RBMXL3: variants seen among roughly 807,000 people sequenced by gnomAD.
RBMXL3 encodes RNA-binding motif protein, X-linked-like-3.
RBMXL3 carries 2 observed loss-of-function variants against 0.8 expected under a neutral mutation model. The ratio of observed to expected loss-of-function variants is 2.54; its 90% confidence interval spans 1.04 to 8.00. The LOEUF (loss-of-function observed/expected upper bound fraction) is 8.00. RBMXL3 is among the 30% of genes most tolerant of loss of function. The probability of loss-of-function intolerance (pLI) is 0.04; values close to 1 mark genes in which losing one functional copy is unlikely to be tolerated. For synonymous variants in RBMXL3, 447 were observed against 449.8 expected, an observed-to-expected ratio of 0.99 and a Z score of 0.08; for missense variants, 1,127 against 1,068.0, an observed-to-expected ratio of 1.06 and a Z score of -0.77.
Position 115,190,282 on chromosome X carries a change from C to G in RBMXL3, c.841C>G (p.Gln281Glu). The change falls in exon 1 of 1, where the codon CAA becomes GAA. Residue 281 changes from glutamine to glutamate, a missense_variant. By Grantham distance (29) the Gln-to-Glu change is conservative. Coordinates refer to ENST00000424776, the MANE Select transcript of RBMXL3 (RefSeq NM_001145346.2). ...CCGTCCCTTGAGAGGCGACGGCAACCAAAATGGCTACAGGGGTCGCGACCA... is the reference window on the plus strand; with the variant it reads ...CCGTCCCTTGAGAGGCGACGGCAACGAAAATGGCTACAGGGGTCGCGACCA... The part of the protein sequence containing the change: ...DYRPLRGDGN[Q>E]NGYRGRDHEY... 1 of 1,152,308 alleles carries G rather than the reference C, an allele frequency of 8.7e-7. No homozygotes were observed. Among genetic ancestry groups the G allele is most frequent in the South Asian group, 2.0e-5 (1 of 50,839 alleles). 95.0% of individuals were successfully genotyped at this position (1,152,308 alleles called of 1,213,427 possible).
In RBMXL3 at chrX:115,192,632, G is replaced by T; in HGVS notation, c.3191G>T (p.Arg1064Leu). 1 of 1,169,286 alleles carries T rather than the reference G, an allele frequency of 8.6e-7. No individual in the cohort carries two copies. The highest frequency in any genetic ancestry group is 3.2e-5 in the East Asian group (1 of 31,074). Residue 1064 changes from arginine (R) to leucine (L), a missense_variant, in exon 1 of 1, where the codon CGG becomes CTG. Arg to Leu is a moderately radical substitution (Grantham distance 102, BLOSUM62 -2). Transcript: ENST00000424776. ...GGCCGCTTCGAGAGGGGGGAAGGCC[G>T]GAGCAGATACTAAGCAGGAACAGAC... ...QGGRFERGEG[R>L]SRY
rs1556556734 is a variant in RBMXL3, at chrX:115,189,992, C to T, written c.551C>T (p.Thr184Ile). 4.3e-6 allele frequency: 5 copies of T among 1,163,718 alleles called. No individual in the cohort carries two copies. Among genetic ancestry groups the T allele is most frequent in the Non-Finnish European group, 5.7e-6 (5 of 872,289 alleles). Residue 184 changes from threonine to isoleucine, a missense_variant, in exon 1 of 1, where the codon ACT becomes ATT. Transcript: ENST00000424776. ...TGTGGAATGCGCGGGAAGGCACCGA[C>T]TGTGTCGGGGCAAGATGGCTACTCA... is the stretch of plus-strand genomic sequence containing the variant. ...VGCGMRGKAP[T>I]VSGQDGYSGL...
Position 115,189,599 on chromosome X carries a change from T to C in RBMXL3, c.158T>C (p.Phe53Ser). ...ACCAACAAGTCGAGGGGCTTCGCGT[T>C]CGTCACCTTCGAAAGCCCTGCAGAC... ...RKTNKSRGFA[F>S]VTFESPADAK... Residue 53 changes from phenylalanine (F) to serine (S), a missense_variant, in exon 1 of 1, where the codon TTC (phenylalanine) becomes TCC (serine). Transcript: ENST00000424776. The C allele has an allele frequency of 1.7e-6, 2 of 1,169,736 alleles. No homozygotes were observed. The highest frequency in any genetic ancestry group is 3.2e-5 in the East Asian group (1 of 30,870).
Position 115,191,961 on chromosome X carries a change from G to A in RBMXL3, c.2520G>A (p.Gly840=). Residue 840 remains glycine, a synonymous_variant, in exon 1 of 1, where the codon GGG becomes GGA. Coordinates refer to ENST00000424776, the MANE Select transcript of RBMXL3 (RefSeq NM_001145346.2). ...GCCACTCACCCAACGCCTACAGTGG[G>A]GGCCGTGACAGTTCCAGCAACAGTT... ...SGGHSPNAYS[G]GRDSSSNSYD... 8.6e-7 allele frequency: 1 copy of A among 1,166,009 alleles called. No homozygotes were observed. Among genetic ancestry groups the A allele is most frequent in the Middle Eastern group, 2.3e-4 (1 of 4,299 alleles).
rs1384361758 is a variant in RBMXL3, at chrX:115,191,728, G to T, written c.2287G>T (p.Gly763Cys). 1 of 1,161,874 alleles carries T rather than the reference G, an allele frequency of 8.6e-7. No individual in the cohort carries two copies. The highest frequency in any genetic ancestry group is 1.8e-5 in the African/African-American group (1 of 54,310). The stretch of plus-strand genomic sequence containing the variant: ...CCGCTTGCCTGACGCCTACAGTGGG[G>T]GCCATGACAGTTCCAGCCGGAGCCA... Reference protein sequence around the residue: ...SGRLPDAYSGGHDSSSRSHRY... With the variant: ...SGRLPDAYSGCHDSSSRSHRY... The change falls in exon 1 of 1, where the codon GGC becomes TGC. Residue 763 changes from glycine (G) to cysteine (C), a missense_variant. Transcript: ENST00000424776.
In RBMXL3 at chrX:115,190,154, G is replaced by A. The variant is rs1333479504; in HGVS notation, c.713G>A (p.Arg238Gln). The stretch of plus-strand genomic sequence containing the variant: ...GGGCAAGATGGCTACTCAGGCCCGC[G>A]GGTCCGGGAGCCACTGCCCCCGTGC... ...VWGQDGYSGP[R>Q]VREPLPPCRD... The change falls in exon 1 of 1, where the codon CGG (arginine) becomes CAG (glutamine). Residue 238 changes from arginine to glutamine, a missense_variant. Physicochemically the swap from Arg to Gln is conservative, Grantham distance 43. Coordinates refer to ENST00000424776, the MANE Select transcript of RBMXL3 (RefSeq NM_001145346.2). The A allele has an allele frequency of 8.6e-6, 10 of 1,164,291 alleles. No homozygotes were observed. Among genetic ancestry groups the A allele is most frequent in the Admixed American group, 5.2e-5 (2 of 38,731 alleles).
In RBMXL3 at chrX:115,190,648, G is replaced by A. The variant is rs1332462512; in HGVS notation, c.1207G>A (p.Gly403Ser). 4 of 1,144,361 alleles carry A rather than the reference G, an allele frequency of 3.5e-6. No individual in the cohort carries two copies. The highest frequency in any genetic ancestry group is 4.7e-6 in the Non-Finnish European group (4 of 857,269). 94.3% of individuals were successfully genotyped at this position (1,144,361 alleles called of 1,213,427 possible). The change falls in exon 1 of 1, where the codon GGC (glycine) becomes AGC (serine). Residue 403 changes from glycine (G) to serine (S), a missense_variant. Gly to Ser is a moderately conservative substitution (Grantham distance 56). Coordinates refer to ENST00000424776, the MANE Select transcript of RBMXL3 (RefSeq NM_001145346.2). ...RGRSPDAHSG[G>S]RNSSSNSYGQ... is the part of the protein sequence containing the mutation. The stretch of plus-strand genomic sequence containing the variant: ...CCGCTCGCCCGACGCCCACAGCGGG[G>A]GCCGCAACAGTTCCAGCAACAGTTA...
At position 115,190,547 on chromosome X, in the gene RBMXL3, G is replaced by A; in HGVS notation, c.1106G>A (p.Gly369Asp). Residue 369 changes from glycine (G) to aspartate (D), a missense_variant, in exon 1 of 1, where the codon GGC (glycine) becomes GAC (aspartate). Transcript: ENST00000424776. ...CACTCGCCCAAAGCCTATAGTGGGGGCCGCAGCAGTTCCAGTAACGGTTAC... is the reference window on the plus strand; with the variant it reads ...CACTCGCCCAAAGCCTATAGTGGGGACCGCAGCAGTTCCAGTAACGGTTAC... ...RDHSPKAYSG[G>D]RSSSSNGYSR... 2.6e-6 allele frequency: 3 copies of A among 1,167,620 alleles called. No individual in the cohort carries two copies. Among genetic ancestry groups the A allele is most frequent in the South Asian group, 3.8e-5 (2 of 52,788 alleles).
chrX:115,190,297 G>C lies in RBMXL3; in HGVS notation c.856G>C (p.Gly286Arg). The C allele has an allele frequency of 8.7e-7, 1 of 1,151,207 alleles. No individual in the cohort carries two copies. The highest frequency in any genetic ancestry group is 1.8e-5 in the African/African-American group (1 of 56,083). The allele number at this position is 1,151,207 out of a possible 1,213,427, so 94.9% of individuals were successfully genotyped here. A position where few individuals can be genotyped will look rare whatever the true frequency, so the allele number is the denominator to read the frequency against. Residue 286 changes from glycine to arginine, a missense_variant, in exon 1 of 1, where the codon GGT (glycine) becomes CGT (arginine). By Grantham distance (125) the Gly-to-Arg change is moderately radical. Transcript: ENST00000424776. ...CGACGGCAACCAAAATGGCTACAGG[G>C]GTCGCGACCATGAGTACACAGATCA... Reference protein sequence around the residue: ...RGDGNQNGYRGRDHEYTDHPS... With the variant: ...RGDGNQNGYRRRDHEYTDHPS...
chrX:115,190,164 G>A lies in RBMXL3; in HGVS notation c.723G>A (p.Glu241=). ...GCTACTCAGGCCCGCGGGTCCGGGA[G>A]CCACTGCCCCCGTGCCGCGACCCTG... ...QDGYSGPRVR[E]PLPPCRDPGD... is the part of the protein sequence containing the mutation. The change falls in exon 1 of 1, where the codon GAG becomes GAA. Residue 241 remains glutamate, a synonymous_variant. Coordinates refer to ENST00000424776, the MANE Select transcript of RBMXL3 (RefSeq NM_001145346.2). The A allele has an allele frequency of 8.6e-7, 1 of 1,165,554 alleles. No homozygotes were observed. The highest frequency in any genetic ancestry group is 1.9e-5 in the South Asian group (1 of 52,682).
chrX:115,189,989 C>G lies in RBMXL3; in HGVS notation c.548C>G (p.Pro183Arg). 1 of 1,163,505 alleles carries G rather than the reference C, an allele frequency of 8.6e-7. No homozygotes were observed. Among genetic ancestry groups the G allele is most frequent in the Non-Finnish European group, 1.1e-6 (1 of 872,211 alleles). Residue 183 changes from proline (P) to arginine (R), a missense_variant, in exon 1 of 1, where the codon CCG (proline) becomes CGG (arginine). Transcript: ENST00000424776. ...GGCTGTGGAATGCGCGGGAAGGCAC[C>G]GACTGTGTCGGGGCAAGATGGCTAC... is the stretch of plus-strand genomic sequence containing the variant. Reference protein sequence around the residue: ...SVGCGMRGKAPTVSGQDGYSG... With the variant: ...SVGCGMRGKARTVSGQDGYSG...
chrX:115,192,364 G>A lies in RBMXL3; in HGVS notation c.2923G>A (p.Asp975Asn), dbSNP rs1603082612. 1.9e-6 allele frequency: 2 copies of A among 1,072,075 alleles called. No homozygotes were observed. Among genetic ancestry groups the A allele is most frequent in the Non-Finnish European group, 2.5e-6 (2 of 804,985 alleles). 88.4% of individuals were successfully genotyped at this position (1,072,075 alleles called of 1,213,427 possible). The change falls in exon 1 of 1, where the codon GAC becomes AAC. Residue 975 changes from aspartate to asparagine, a missense_variant. Asp to Asn is a conservative substitution (Grantham distance 23). Coordinates refer to ENST00000424776, the MANE Select transcript of RBMXL3 (RefSeq NM_001145346.2). ...DSSIKSYGLS[D>N]RYGGGGHYEE... is the part of the protein sequence containing the mutation. ...TTCCATCAAGAGTTACGGCCTGAGC[G>A]ACCGCTACGGAGGAGGAGGCCACTA...
At position 115,191,078 on chromosome X, in the gene RBMXL3, G is replaced by T. The variant is rs1180185553; in HGVS notation, c.1637G>T (p.Arg546Leu). ...AGCAACAGTTACGGCCAGAGCCACC[G>T]CTATGGAGGAGAAGGCCGCTATGAG... ...SSSNSYGQSH[R>L]YGGEGRYEYR... is the part of the protein sequence containing the mutation. The change falls in exon 1 of 1, where the codon CGC becomes CTC. Residue 546 changes from arginine (R) to leucine (L), a missense_variant. Transcript: ENST00000424776. The T allele has an allele frequency of 6.9e-6, 8 of 1,161,368 alleles. No homozygotes were observed. Among genetic ancestry groups the T allele is most frequent in the African/African-American group, 3.7e-5 (2 of 54,207 alleles).
In RBMXL3 at chrX:115,191,992, C is replaced by G; in HGVS notation, c.2551C>G (p.Arg851Gly). The G allele has an allele frequency of 8.6e-7, 1 of 1,167,341 alleles. No homozygotes were observed. ...TGACAGTTCCAGCAACAGTTACGAC[C>G]GGAGCCACCGCTATGGAGGAGGAGG... ...GRDSSSNSYD[R>G]SHRYGGGGHY... The change falls in exon 1 of 1, where the codon CGG (arginine) becomes GGG (glycine). Residue 851 changes from arginine (R) to glycine (G), a missense_variant. Physicochemically the swap from Arg to Gly is moderately radical, Grantham distance 125. Coordinates refer to ENST00000424776, the MANE Select transcript of RBMXL3 (RefSeq NM_001145346.2).
rs1400952006 is a variant in RBMXL3, at chrX:115,192,625, G to T, written c.3184G>T (p.Glu1062Ter). Reference protein sequence around the residue: ...GRQGGRFERGEGRSRY With the variant: ...GRQGGRFERG ...TCAAGGAGGCCGCTTCGAGAGGGGG[G>T]AAGGCCGGAGCAGATACTAAGCAGG... is the stretch of plus-strand genomic sequence containing the variant. The change falls in exon 1 of 1, where the codon GAA (glutamate) becomes TAA (stop). Residue 1062 changes from glutamate to a stop codon, truncating the protein, a stop_gained. Coordinates refer to ENST00000424776, the MANE Select transcript of RBMXL3 (RefSeq NM_001145346.2). LOFTEE classifies it high-confidence loss of function. 1.7e-6 allele frequency: 2 copies of T among 1,168,867 alleles called. No homozygotes were observed. Among genetic ancestry groups the T allele is most frequent in the East Asian group, 6.4e-5 (2 of 31,086 alleles).
At position 115,189,583 on chromosome X, in the gene RBMXL3, T is replaced by TC; in HGVS notation, c.143dup (p.Arg49GlufsTer29). 2 of 1,170,618 alleles carry TC rather than the reference T, an allele frequency of 1.7e-6. No individual in the cohort carries two copies. Among genetic ancestry groups the TC allele is most frequent in the Non-Finnish European group, 2.3e-6 (2 of 874,531 alleles). On this transcript the variant is annotated frameshift_variant, in exon 1 of 1. Transcript: ENST00000424776. LOFTEE classifies it low-confidence loss of function (END_TRUNC). ...GATGAAAGACCGAAAAACCAACAAG[T>TC]CGAGGGGCTTCGCGTTCGTCACCTT...
At position 115,191,794 on chromosome X, in the gene RBMXL3, C is replaced by T. The variant is rs1410935015; in HGVS notation, c.2353C>T (p.Arg785Cys). Residue 785 changes from arginine to cysteine, a missense_variant, in exon 1 of 1, where the codon CGC becomes TGC. Physicochemically the swap from Arg to Cys is radical, Grantham distance 180. Transcript: ENST00000424776. ...GGGRYEEYRGRSLDANSGGRS... is the reference protein window; with the variant it reads ...GGGRYEEYRGCSLDANSGGRS... The stretch of plus-strand genomic sequence containing the variant: ...AGGCCGCTACGAGGAGTACCGAGGC[C>T]GCTCGCTCGATGCCAACAGCGGAGG... 8.6e-6 allele frequency: 10 copies of T among 1,156,466 alleles called. No homozygotes were observed. Among genetic ancestry groups the T allele is most frequent in the Admixed American group, 8.0e-5 (3 of 37,712 alleles).
rs199745174 is a variant in RBMXL3 at position 115,190,042 on chromosome X, G to A, written c.601G>A (p.Gly201Ser). 3.5e-5 allele frequency: 40 copies of A among 1,153,864 alleles called. No homozygotes were observed. The East Asian group carries it at 6.2e-4, about 18-fold the overall frequency. ...AGGCTTGCAGCCACGGCGCTGGGCC[G>A]GCCCACCCCACAAGAGGGCTGTGCC... is the stretch of plus-strand genomic sequence containing the variant. The part of the protein sequence containing the change: ...YSGLQPRRWA[G>S]PPHKRAVPRS... Residue 201 changes from glycine (G) to serine (S), a missense_variant, in exon 1 of 1, where the codon GGC becomes AGC. Coordinates refer to ENST00000424776, the MANE Select transcript of RBMXL3 (RefSeq NM_001145346.2).
In RBMXL3 at chrX:115,189,902, C is replaced by T. The variant is rs782207255; in HGVS notation, c.461C>T (p.Pro154Leu). ...ATGCCCAGGAAGCGCGGGCCGCCAC[C>T]GCGGCACTGGGCCAGCCCACCCCAC... ...APMPRKRGPP[P>L]RHWASPPHKR... The change falls in exon 1 of 1, where the codon CCG (proline) becomes CTG (leucine). Residue 154 changes from proline (P) to leucine (L), a missense_variant. Transcript: ENST00000424776. 13 of 1,160,237 alleles carry T rather than the reference C, an allele frequency of 1.1e-5. No homozygotes were observed. Among genetic ancestry groups the T allele is most frequent in the South Asian group, 7.7e-5 (4 of 52,048 alleles).
Sources: allele counts gnomAD v4.1 joint callset, GRCh38; gene constraint gnomAD v4.1.1; transcripts MANE v1.5; gene names NCBI Gene and HGNC (gene_info 2026-07-23, HGNC 2026-07-21).